Variants in IFT80 observed in about 807,000 individuals in gnomAD.
IFT80 encodes the protein intraflagellar transport 80.
A neutral mutation model predicts 107.9 loss-of-function variants in IFT80; 79 were observed. The ratio of observed to expected loss-of-function variants is 0.73; its 90% CI spans 0.61 to 0.88. IFT80 has a LOEUF of 0.88. Among genes scored for constraint, IFT80 ranks in the 40% least tolerant of loss-of-function variants. The probability of loss-of-function intolerance (pLI) is 0.00; values close to 1 mark genes in which losing one functional copy is unlikely to be tolerated. For synonymous variants in IFT80, 299 were observed against 300.9 expected, an observed-to-expected ratio of 0.99 and a Z score of 0.07; for missense variants, 797 against 914.2, an observed-to-expected ratio of 0.87 and a Z score of 1.65.
At chr3:160,286,193 G>A (rs1481222465) in intron 12 of IFT80, among the ~76,000 whole-genome samples, 1 of 152,184 alleles carries the variant, frequency 6.6e-6, no homozygotes, top group Admixed American at 6.5e-5. Flanking sequence ...TAACACCATA[G>A]TGTAGAGGCC....
chr3:160,358,951 T>C (rs1241136789), intron 6 of IFT80, among the ~76,000 whole-genome samples: 1 of 152,194 alleles, frequency 6.6e-6, no homozygotes, highest in East Asian at 1.9e-4. Context: ...CATTACATTT[T>C]TATTCAACGA....
chr3:160,345,813 A>G (rs1276030345), intron 8 of IFT80, among the ~76,000 whole-genome samples: 1 of 152,112 alleles, frequency 6.6e-6, no homozygotes, highest in Non-Finnish European at 1.5e-5. Flanking sequence ...AAGAATGACT[A>G]AGATCTACTA....
intron 6 of IFT80, among the ~76,000 whole-genome samples, chr3:160,363,743 AAC>A (rs1435285757): frequency 6.6e-6 from 1 of 152,222 alleles, no homozygotes; most frequent in Non-Finnish European, 1.5e-5. Context: ...ACCTGACAAA[AAC>A]AAGAAATGGG....
intron 16 of IFT80, among the ~76,000 whole-genome samples, 186 bp downstream of exon 16, chr3:160,279,007 G>A (rs1397014672): frequency 2.0e-5 from 3 of 152,042 alleles, no homozygotes; most frequent in East Asian, 1.9e-4. Flanking sequence ...TTTTTATAGC[G>A]TCTTCAGAGA....
chr3:160,385,645 A>C (rs142313610), intron 1 of IFT80, among the ~76,000 whole-genome samples: 62 of 152,172 alleles, frequency 4.1e-4, no homozygotes, highest in Non-Finnish European at 8.5e-4. Context: ...AGTTCTCTTA[A>C]GGTGATTTCT....
chr3:160,292,530 A>G (rs539251510), intron 12 of IFT80, among the ~76,000 whole-genome samples: 4 of 131,366 alleles, frequency 3.0e-5, no homozygotes, highest in African/African-American at 1.2e-4. Flanking sequence ...CCCAGGCTGG[A>G]GTGCAGTGGC....
intron 10 of IFT80, among the ~76,000 whole-genome samples, chr3:160,307,092 C>A (rs1053957235): frequency 6.6e-6 from 1 of 152,112 alleles, no homozygotes; most frequent in African/African-American, 2.4e-5. Flanking sequence ...TATGCTAGAG[C>A]CAGCCTGTAC....
rs1439990124 is a variant in IFT80 at position 160,258,273 on chromosome 3, C to T, written c.*252G>A. The T allele has an allele frequency of 8.3e-6, 4 of 479,096 alleles. No homozygotes were observed. Among genetic ancestry groups the T allele is most frequent in the Admixed American group, 7.2e-5 (2 of 27,806 alleles). 29.7% of individuals were successfully genotyped at this position (479,096 alleles called of 1,614,324 possible). On this transcript the variant is annotated 3_prime_UTR_variant, in exon 20 of 20. Coordinates refer to ENST00000326448, the MANE Select transcript of IFT80 (RefSeq NM_020800.3). ...AATGGGCAAAAAACTGACATATAATCGACACTACACAGGTATCTCTTAAGT... is the reference window on the plus strand; with the variant it reads ...AATGGGCAAAAAACTGACATATAATTGACACTACACAGGTATCTCTTAAGT...
intron 6 of IFT80, among the ~76,000 whole-genome samples, chr3:160,363,300 C>T (rs1173207219): frequency 6.6e-6 from 1 of 152,124 alleles, no homozygotes; most frequent in Non-Finnish European, 1.5e-5. Flanking sequence ...AGGAATCCAA[C>T]TTACAACGGA....
chr3:160,278,426 T>C (rs996225489), intron 16 of IFT80, among the ~76,000 whole-genome samples: 2 of 152,196 alleles, frequency 1.3e-5, no homozygotes, highest in Non-Finnish European at 2.9e-5. Context: ...GTCAAACCAA[T>C]CTGTGAGCAC....
At chr3:160,356,719 T>C (rs773024278) in intron 7 of IFT80, among the ~76,000 whole-genome samples, 3 of 152,074 alleles carry the variant, frequency 2.0e-5, no homozygotes, top group Non-Finnish European at 4.4e-5. Flanking sequence ...TGGGGTCTTG[T>C]TATATTGCCT....
chr3:160,326,964 A>G (rs1718717286), intron 8 of IFT80, among the ~76,000 whole-genome samples: 1 of 152,190 alleles, frequency 6.6e-6, no homozygotes, highest in Admixed American at 6.5e-5. Context: ...GCTGATAATC[A>G]ACTTCAGCAA....
At chr3:160,387,087 A>G (rs998282795) in intron 1 of IFT80, among the ~76,000 whole-genome samples, 2 of 152,252 alleles carry the variant, frequency 1.3e-5, no homozygotes, top group Admixed American at 1.3e-4. Context: ...ATACCCCAAA[A>G]GAGAAATGAA....
At chr3:160,360,003 C>T (rs924535907) in intron 6 of IFT80, among the ~76,000 whole-genome samples, 1 of 152,224 alleles carries the variant, frequency 6.6e-6, no homozygotes, top group Non-Finnish European at 1.5e-5. Flanking sequence ...CAGAGAATGA[C>T]TTTGATGAGT....
Position 160,366,050 on chromosome 3 carries a change from AC to A in IFT80, c.541del (p.Val181PhefsTer12). The A allele has an allele frequency of 6.2e-7, 1 of 1,611,904 alleles. No homozygotes were observed. Among genetic ancestry groups the A allele is most frequent in the Non-Finnish European group, 8.5e-7 (1 of 1,178,374 alleles). On this transcript the variant is annotated frameshift_variant, in exon 6 of 20. Coordinates refer to ENST00000326448, the MANE Select transcript of IFT80 (RefSeq NM_020800.3). LOFTEE classifies it high-confidence loss of function. ...CAAATGACTGAGAAGTACCTGCAAA[AC>A]TTTAGCATTTGGTTGAAGAGGTTTA... ...IIKPLQPNAK[V>X]LQWKAHDGII...
chr3:160,296,902 T>C (rs929725943), intron 12 of IFT80, among the ~76,000 whole-genome samples: 13 of 152,208 alleles, frequency 8.5e-5, no homozygotes, highest in African/African-American at 3.1e-4. Context: ...TCTTCTATTT[T>C]GGACCATTCC....
At chr3:160,290,688 C>T (rs1471828715) in intron 12 of IFT80, among the ~76,000 whole-genome samples, 1 of 152,076 alleles carries the variant, frequency 6.6e-6, no homozygotes, top group Admixed American at 6.6e-5. Flanking sequence ...TCAAGCAATT[C>T]TCCTGCCTCA....
At chr3:160,341,438 G>T (rs549483544) in intron 8 of IFT80, among the ~76,000 whole-genome samples, 1 of 151,768 alleles carries the variant, frequency 6.6e-6, no homozygotes, top group East Asian at 1.9e-4. Context: ...GATTATTAAA[G>T]ATATCCAAAA....
At chr3:160,367,918 G>A (rs1260946757) in intron 5 of IFT80, among the ~76,000 whole-genome samples, 1 of 151,944 alleles carries the variant, frequency 6.6e-6, no homozygotes, top group Non-Finnish European at 1.5e-5. Flanking sequence ...CGGCCCAGCT[G>A]CCTAGTCATT....
Sources: allele counts gnomAD v4.1 joint callset (sites outside exome capture counted in the v4.1 genomes callset), GRCh38; gene constraint gnomAD v4.1.1; transcripts MANE v1.5; gene names NCBI Gene and HGNC (gene_info 2026-07-23, HGNC 2026-07-21).